EFCAB8: variants seen among roughly 807,000 people sequenced by gnomAD.
EFCAB8 encodes the protein EF-hand calcium-binding domain-containing protein 8.
Under a neutral mutation model 116.3 loss-of-function variants are expected in EFCAB8, and 100 were observed. The observed-to-expected ratio is 0.86, with a 90% CI of 0.73 to 1.02. The LOEUF is 1.02. Among genes scored for constraint, EFCAB8 ranks in the 50% least tolerant of loss-of-function variants. EFCAB8 has a pLI of 0.00. For missense variants in EFCAB8, 1,320 were observed against 1,416.9 expected, an observed-to-expected ratio of 0.93 and a Z score of 1.10; for synonymous variants, 558 against 567.9, an observed-to-expected ratio of 0.98 and a Z score of 0.25.
chr20:32,916,233 A>G (rs1987178378), intron 17 of EFCAB8, among the ~76,000 whole-genome samples: 1 of 152,074 alleles, frequency 6.6e-6, no homozygotes, highest in Non-Finnish European at 1.5e-5. Context: ...AGAGAGGACA[A>G]GGGATCTCTC....
intron 1 of EFCAB8, among the ~76,000 whole-genome samples, 173 bp downstream of exon 1, chr20:32,859,179 C>T (rs1983974234): frequency 6.6e-6 from 1 of 152,158 alleles, no homozygotes; most frequent in African/African-American, 2.4e-5. Context: ...CCACTCGTTC[C>T]CCTCTCATCC....
chr20:32,870,541 C>T (rs1984633722), intron 3 of EFCAB8, among the ~76,000 whole-genome samples: 1 of 152,058 alleles, frequency 6.6e-6, no homozygotes, highest in Non-Finnish European at 1.5e-5. Flanking sequence ...CTTGGTTGCC[C>T]AGGCTGGAGT....
intron 22 of EFCAB8, among the ~76,000 whole-genome samples, chr20:32,939,152 T>G (rs1349846092): frequency 1.2e-5 from 1 of 80,430 alleles, no homozygotes. Flanking sequence ...TCTTTCTTTC[T>G]TTCTTTCTTT....
rs1423131930 is a variant in EFCAB8, at chr20:32,931,486, T to A, written c.2790+150T>A. ...TAGAATTAGTATTCGTGGCCAGTCG[T>A]GGTGGCCCACGCCTGTAATCCCAGC... On this transcript the variant is annotated intron_variant, in intron 22 of 26. Transcript: ENST00000400522. The A allele has an allele frequency of 3.7e-6, 4 of 1,091,890 alleles. No homozygotes were observed. In the African/African-American group the frequency reaches 6.4e-5, roughly 18 times the overall value. 67.6% of individuals were successfully genotyped at this position (1,091,890 alleles called of 1,614,324 possible).
intron 4 of EFCAB8, among the ~76,000 whole-genome samples, chr20:32,877,066 A>C (rs1224889457): frequency 1.3e-5 from 2 of 152,158 alleles, no homozygotes; most frequent in African/African-American, 4.8e-5. Context: ...CTTCAGACTC[A>C]TCAGCACTGG....
intron 3 of EFCAB8, among the ~76,000 whole-genome samples, chr20:32,868,341 G>C (rs2146172749): frequency 1.3e-5 from 2 of 152,318 alleles, no homozygotes; most frequent in Middle Eastern, 3.4e-3. Flanking sequence ...GGGATTACAG[G>C]TGTGAGCCAC....
chr20:32,924,429 A>G (rs1030943259), intron 20 of EFCAB8, among the ~76,000 whole-genome samples: 1 of 152,170 alleles, frequency 6.6e-6, no homozygotes, highest in Admixed American at 6.5e-5. Context: ...TTATTTATTT[A>G]TGAGGGATTT....
intron 3 of EFCAB8, among the ~76,000 whole-genome samples, chr20:32,875,458 G>A (rs1025562812): frequency 6.7e-6 from 1 of 148,570 alleles, no homozygotes; most frequent in African/African-American, 2.4e-5. Flanking sequence ...AGGGGAGGCA[G>A]CACCAAGACT....
At chr20:32,892,780 G>C (rs1600391943) in intron 8 of EFCAB8, among the ~76,000 whole-genome samples, 1 of 152,192 alleles carries the variant, frequency 6.6e-6, no homozygotes, top group South Asian at 2.1e-4. Flanking sequence ...TGCTTCCAAG[G>C]AGGAGGGAAG....
chr20:32,875,039 G>A (rs962733144), intron 3 of EFCAB8, among the ~76,000 whole-genome samples: 5 of 152,324 alleles, frequency 3.3e-5, no homozygotes, highest in African/African-American at 1.2e-4. Context: ...GTGAGCCACC[G>A]TGCCTGGCCT....
chr20:32,961,345 C>T lies in EFCAB8; in HGVS notation c.3603C>T (p.Ser1201=). Residue 1201 remains serine, a synonymous_variant, in exon 27 of 27, where the codon TCC becomes TCT. Transcript: ENST00000400522. ...CTGCGGCCGCCTCCTCCCCATCTTC[C>T]TTGTTATCTGTCACTGCCTCAGCCT... ...STPAAASSPS[S]LLSVTASASR... 2.0e-6 allele frequency: 3 copies of T among 1,479,054 alleles called. No homozygotes were observed. Among genetic ancestry groups the T allele is most frequent in the African/African-American group, 1.4e-5 (1 of 70,590 alleles). 91.6% of individuals were successfully genotyped at this position (1,479,054 alleles called of 1,614,324 possible).
intron 4 of EFCAB8, 147 bp from the exon 5 acceptor site, chr20:32,878,557 T>C: frequency 5.0e-6 from 2 of 402,994 alleles, no homozygotes; most frequent in South Asian, 3.0e-5. Flanking sequence ...GTCGCCCAGG[T>C]CGGACTGCGG....
chr20:32,933,289 C>G (rs1291274381), intron 22 of EFCAB8, among the ~76,000 whole-genome samples: 1 of 152,116 alleles, frequency 6.6e-6, no homozygotes, highest in Non-Finnish European at 1.5e-5. Context: ...TTGTATGTAA[C>G]TGGAATTTCC....
At chr20:32,932,254 G>T (rs552180514) in intron 22 of EFCAB8, among the ~76,000 whole-genome samples, 5 of 152,170 alleles carry the variant, frequency 3.3e-5, no homozygotes, top group Non-Finnish European at 7.3e-5. Flanking sequence ...GTGCACGCCT[G>T]TAATCCCAGC....
chr20:32,951,416 C>T (rs553990568), intron 23 of EFCAB8, among the ~76,000 whole-genome samples: 20 of 152,266 alleles, frequency 1.3e-4, no homozygotes, highest in African/African-American at 4.3e-4. Context: ...AGAAGCCAGA[C>T]GAAAACCTGT....
chr20:32,917,191 T>TA (rs1987227498), intron 17 of EFCAB8, 110 bp from the exon 18 acceptor site: 1 of 815,820 alleles, frequency 1.2e-6, no homozygotes, highest in Admixed American at 2.5e-5. Flanking sequence ...CACCTGAGAG[T>TA]ATCCTCCTCT....
chr20:32,917,606 G>A, intron 18 of EFCAB8, 101 bp downstream of exon 18: 1 of 1,333,320 alleles, frequency 7.5e-7, no homozygotes, highest in South Asian at 1.4e-5. Flanking sequence ...AAGCAGGAGG[G>A]ATGATGGCGA....
At position 32,917,481 on chromosome 20, in the gene EFCAB8, C is replaced by T; in HGVS notation, c.2037C>T (p.Ser679=). 1.3e-6 allele frequency: 2 copies of T among 1,551,984 alleles called. No individual in the cohort carries two copies. The highest frequency in any genetic ancestry group is 1.7e-6 in the Non-Finnish European group (2 of 1,147,034). ...TCTTCAACTTCAATGCCTCTAGGAG[C>T]CCCTCGCCCTTGCAGCCCAAGAGGG... ...KPIFNFNASR[S]PSPLQPKRVQ... is the part of the protein sequence containing the mutation. Residue 679 remains serine, a synonymous_variant, in exon 18 of 27, where the codon AGC becomes AGT. Coordinates refer to ENST00000400522, the MANE Select transcript of EFCAB8 (RefSeq NM_001143967.2).
At chr20:32,942,089 T>A (rs965967484) in intron 22 of EFCAB8, among the ~76,000 whole-genome samples, 2 of 152,210 alleles carry the variant, frequency 1.3e-5, no homozygotes, top group South Asian at 2.1e-4. Context: ...CTGTTTTTTT[T>A]ATCTTTGACA....
Sources: allele counts gnomAD v4.1 joint callset (sites outside exome capture counted in the v4.1 genomes callset), GRCh38; gene constraint gnomAD v4.1.1; transcripts MANE v1.5; gene names NCBI Gene and HGNC (gene_info 2026-07-23, HGNC 2026-07-21).